The following CPNE8 variants were observed in gnomAD, a reference collection of about 807,000 sequenced individuals.
CPNE8 encodes the protein copine-8.
In CPNE8, 45 loss-of-function variants were observed where a neutral mutation model predicts 81.5. That is an observed-to-expected ratio of 0.55 (90% CI 0.44 to 0.71). The LOEUF is 0.71. Ranked by LOEUF, CPNE8 falls within the 30% of genes least tolerant of loss-of-function variation. CPNE8 has a pLI of 0.00. For synonymous variants in CPNE8, 252 were observed against 226.3 expected, an observed-to-expected ratio of 1.11 and a Z score of -1.02; for missense variants, 594 against 672.1, an observed-to-expected ratio of 0.88 and a Z score of 1.28.
chr12:38,820,836 G>A (rs554309820), intron 6 of CPNE8, among the ~76,000 whole-genome samples: 1 of 152,132 alleles, frequency 6.6e-6, no homozygotes, highest in African/African-American at 2.4e-5. Context: ...CAATCTGTAT[G>A]GCAACCTCAA....
At chr12:38,807,030 A>G (rs1234919593) in intron 6 of CPNE8, among the ~76,000 whole-genome samples, 1 of 152,138 alleles carries the variant, frequency 6.6e-6, no homozygotes, top group African/African-American at 2.4e-5. Context: ...AATACCTAGT[A>G]ATCCAACTTA....
chr12:38,681,150 A>G (rs1939401226), intron 16 of CPNE8, among the ~76,000 whole-genome samples: 1 of 152,070 alleles, frequency 6.6e-6, no homozygotes, highest in African/African-American at 2.4e-5. Flanking sequence ...GGTATAATAT[A>G]CCAACAAATT....
intron 10 of CPNE8, among the ~76,000 whole-genome samples, chr12:38,747,810 A>G (rs1941263620): frequency 3.3e-5 from 5 of 152,124 alleles, no homozygotes; most frequent in Admixed American, 2.6e-4. Flanking sequence ...ATATCAATTT[A>G]AGATATATTA....
upstream of CPNE8, chr12:38,905,603 C>G: frequency 6.5e-7 from 1 of 1,530,324 alleles, no homozygotes; most frequent in South Asian, 1.2e-5. Context: ...AGGGCTAGCT[C>G]CCGTCAGGCG....
chr12:38,666,208 C>T (rs1214588157), intron 19 of CPNE8, among the ~76,000 whole-genome samples: 2 of 152,120 alleles, frequency 1.3e-5, no homozygotes, highest in African/African-American at 4.8e-5. Flanking sequence ...TTAGCCACTT[C>T]AGTAATACAA....
At chr12:38,796,234 C>A (rs1356389433) in intron 6 of CPNE8, among the ~76,000 whole-genome samples, 2 of 152,018 alleles carry the variant, frequency 1.3e-5, no homozygotes, top group Non-Finnish European at 2.9e-5. Flanking sequence ...TTGCAGTGAG[C>A]CAAGATCGTG....
chr12:38,894,625 C>T (rs1944359507), intron 1 of CPNE8, among the ~76,000 whole-genome samples: 1 of 150,512 alleles, frequency 6.6e-6, no homozygotes, highest in Admixed American at 6.6e-5. Flanking sequence ...CCACGTATCC[C>T]TTAGTCTCAC....
At chr12:38,852,850 C>CAT (rs375998249) in intron 3 of CPNE8, among the ~76,000 whole-genome samples, 381 of 149,808 alleles carry the variant, frequency 2.5e-3, no homozygotes, top group African/African-American at 5.4e-3. Context: ...CATATATATG[C>CAT]ATATATATAT....
At chr12:38,717,427 G>GTATATATA (rs1491219731) in intron 13 of CPNE8, among the ~76,000 whole-genome samples, 1,828 of 69,440 alleles carry the variant, frequency 0.026, 214 homozygotes, top group East Asian at 0.052. Context: ...AGAAAGTGTG[G>GTATATATA]TGTATATATA....
intron 13 of CPNE8, among the ~76,000 whole-genome samples, chr12:38,713,845 G>A (rs1940321192): frequency 6.6e-6 from 1 of 152,106 alleles, no homozygotes; most frequent in Admixed American, 6.5e-5. Flanking sequence ...GGATAAAAAT[G>A]ACAGTCTGTA....
intron 3 of CPNE8, among the ~76,000 whole-genome samples, chr12:38,856,236 C>T (rs1304826712): frequency 6.6e-6 from 1 of 151,966 alleles, no homozygotes; most frequent in African/African-American, 2.4e-5. Flanking sequence ...AAAAGAAAAA[C>T]CTGGGACTTG....
intron 6 of CPNE8, among the ~76,000 whole-genome samples, chr12:38,814,959 A>G (rs1943000352): frequency 6.6e-6 from 1 of 152,210 alleles, no homozygotes; most frequent in African/African-American, 2.4e-5. Context: ...TAGCCACATA[A>G]GACCTGCAAT....
intron 2 of CPNE8, 84 bp downstream of exon 2, chr12:38,874,387 C>T (rs1386353530): frequency 9.7e-7 from 1 of 1,035,772 alleles, no homozygotes; most frequent in African/African-American, 1.6e-5. Flanking sequence ...GGCTTTAAAA[C>T]AAACCTTTAA....
At chr12:38,833,351 C>CAA (rs774534221) in intron 5 of CPNE8, among the ~76,000 whole-genome samples, 1,340 of 61,658 alleles carry the variant, frequency 0.022, 18 homozygotes, top group Non-Finnish European at 0.035. Flanking sequence ...GACCTTATCT[C>CAA]AAAAAAAAAA....
intron 19 of CPNE8, among the ~76,000 whole-genome samples, chr12:38,656,981 C>T (rs1938835606): frequency 6.6e-6 from 1 of 152,160 alleles, no homozygotes; most frequent in East Asian, 1.9e-4. Context: ...TGGGTGATTT[C>T]TGCATTTTCA....
At chr12:38,756,592 A>G (rs987134639) in intron 10 of CPNE8, among the ~76,000 whole-genome samples, 1 of 152,142 alleles carries the variant, frequency 6.6e-6, no homozygotes, top group Non-Finnish European at 1.5e-5. Flanking sequence ...TTTGACTGAC[A>G]TATTCTCTCT....
At chr12:38,798,788 T>C (rs1592100192) in intron 6 of CPNE8, among the ~76,000 whole-genome samples, 1 of 152,168 alleles carries the variant, frequency 6.6e-6, no homozygotes, top group East Asian at 1.9e-4. Context: ...ATCAGTGTGC[T>C]GTATTCAGGA....
rs1245775217 is a variant in CPNE8 at position 38,802,133 on chromosome 12, G to A, written c.408-25832C>T. On this transcript the variant is annotated intron_variant, in intron 6 of 19. Coordinates refer to ENST00000331366, the MANE Select transcript of CPNE8 (RefSeq NM_153634.3). Reference sequence around the variant, plus strand: ...AGGTCAACAAGGATACCCAGGAATTGAACTCAGCTCTGCACCAAGCAGACC... The same window carrying A: ...AGGTCAACAAGGATACCCAGGAATTAAACTCAGCTCTGCACCAAGCAGACC... 1.8e-3 allele frequency among the ~76,000 whole-genome samples: 51 copies of A among 28,430 alleles called. 9 individuals carry two copies. The highest frequency in any genetic ancestry group is 2.7e-3 in the African/African-American group (47 of 17,442). The allele number at this position is 28,430 out of a possible 152,430, so 18.7% of individuals were successfully genotyped here.
At chr12:38,854,518 T>C (rs1943698686) in intron 3 of CPNE8, among the ~76,000 whole-genome samples, 1 of 151,658 alleles carries the variant, frequency 6.6e-6, no homozygotes, top group Non-Finnish European at 1.5e-5. Flanking sequence ...GGTGCAAAAA[T>C]CTTGAACAAA....
Sources: gnomAD v4.1 joint callset for allele counts (sites outside exome capture counted in the v4.1 genomes callset) on GRCh38, gnomAD v4.1.1 for gene constraint, MANE v1.5 for transcripts, NCBI Gene and HGNC (gene_info 2026-07-23, HGNC 2026-07-21) for gene names.